Variants in CEP112 observed in about 807,000 individuals in gnomAD.
The protein encoded by CEP112 is centrosomal protein 112, also known as centrosomal protein of 112 kDa.
In CEP112, 127 loss-of-function variants were observed where a neutral mutation model predicts 153.0. That is an observed-to-expected ratio of 0.83 (90% confidence interval 0.72 to 0.96). CEP112 has a LOEUF of 0.96. Among genes scored for constraint, CEP112 ranks in the 40% least tolerant of loss-of-function variants. CEP112 has a pLI of 0.00. For missense variants in CEP112, 1,089 were observed against 1,101.2 expected (o/e 0.99, Z 0.16); for synonymous variants, 358 against 374.4 (o/e 0.96, Z 0.51).
rs2051231838 is a variant in CEP112, at chr17:65,743,145, T to C, written c.2530A>G (p.Arg844Gly). The C allele has an allele frequency of 1.2e-6, 2 of 1,613,206 alleles. No individual in the cohort carries two copies. The highest frequency in any genetic ancestry group is 1.3e-5 in the African/African-American group (1 of 74,938). The change falls in exon 23 of 27, where the codon AGG becomes GGG. Residue 844 changes from arginine (R) to glycine (G), a missense_variant. By Grantham distance (125) the Arg-to-Gly change is moderately radical. Transcript: ENST00000535342. ...TTTTGTCTAACATCCTGGAGCCGCC[T>C]TTCTGCAGCAAGCTGCTGCTGGCTG... ...ENSQQQLAAE[R>G]RLQDVRQKFE... is the part of the protein sequence containing the mutation.
intron 24 of CEP112, among the ~76,000 whole-genome samples, chr17:65,650,911 T>C (rs1003767494): frequency 2.2e-4 from 33 of 151,844 alleles, no homozygotes; most frequent in African/African-American, 7.5e-4. Context: ...TTTTTCTCTC[T>C]TTCTCTATAT....
chr17:65,814,812 T>C (rs946649741), intron 21 of CEP112, among the ~76,000 whole-genome samples: 1 of 152,210 alleles, frequency 6.6e-6, no homozygotes, highest in African/African-American at 2.4e-5. Flanking sequence ...CCTACCAACA[T>C]AGTTAAAATT....
chr17:66,065,702 T>C (rs2067091684), intron 10 of CEP112, among the ~76,000 whole-genome samples: 2 of 151,136 alleles, frequency 1.3e-5, no homozygotes, highest in Admixed American at 6.6e-5. Flanking sequence ...CGGTCTCGGC[T>C]CACTGCAAGC....
intron 24 of CEP112, among the ~76,000 whole-genome samples, chr17:65,664,924 C>T (rs1476350454): frequency 6.6e-6 from 1 of 152,206 alleles, no homozygotes; most frequent in Non-Finnish European, 1.5e-5. Flanking sequence ...TAGGTGAGGG[C>T]TCTCCTCCTG....
intron 17 of CEP112, among the ~76,000 whole-genome samples, chr17:65,983,387 T>C (rs1442699569): frequency 6.6e-6 from 1 of 152,180 alleles, no homozygotes; most frequent in Non-Finnish European, 1.5e-5. Context: ...TTTTGCCTTT[T>C]AGTCTTTTAT....
At chr17:65,977,267 G>A (rs773754009) in intron 17 of CEP112, among the ~76,000 whole-genome samples, 33 of 152,098 alleles carry the variant, frequency 2.2e-4, no homozygotes, top group Non-Finnish European at 4.0e-4. Flanking sequence ...TTTAGCTTGC[G>A]TATGGCCCGT....
chr17:65,990,840 C>T (rs1045157862), intron 17 of CEP112, among the ~76,000 whole-genome samples: 1 of 152,220 alleles, frequency 6.6e-6, no homozygotes, highest in Non-Finnish European at 1.5e-5. Context: ...TCTCCCAAGC[C>T]CTGGGCAGTG....
At chr17:65,640,147 T>G (rs1261680372) in intron 25 of CEP112, among the ~76,000 whole-genome samples, 1 of 100,372 alleles carries the variant, frequency 1.0e-5, no homozygotes, top group Non-Finnish European at 1.8e-5. Flanking sequence ...CATATATATA[T>G]ATATATATTT....
chr17:65,768,696 A>G (rs1428566436), intron 21 of CEP112, among the ~76,000 whole-genome samples: 1 of 152,152 alleles, frequency 6.6e-6, no homozygotes, highest in Non-Finnish European at 1.5e-5. Flanking sequence ...CCACATGATC[A>G]TATCAGTTGA....
chr17:66,078,236 CTTTTTT>C (rs373372694), intron 8 of CEP112, among the ~76,000 whole-genome samples: 19 of 146,318 alleles, frequency 1.3e-4, no homozygotes, highest in Non-Finnish European at 2.1e-4. Context: ...GCTTTTGTAT[CTTTTTT>C]TTTTCTTTTC....
At chr17:65,710,443 T>C (rs972847702) in intron 23 of CEP112, among the ~76,000 whole-genome samples, 5 of 152,218 alleles carry the variant, frequency 3.3e-5, no homozygotes, top group African/African-American at 1.2e-4. Context: ...TCACCTGAAA[T>C]ACTTTTAGGG....
chr17:65,667,645 G>C (rs549749471), intron 24 of CEP112, among the ~76,000 whole-genome samples: 176 of 152,166 alleles, frequency 1.2e-3, no homozygotes, highest in Admixed American at 2.5e-3. Context: ...ATATTTTAGG[G>C]TGGTCATTAA....
intron 20 of CEP112, among the ~76,000 whole-genome samples, chr17:65,879,526 A>G (rs1337807144): frequency 6.6e-6 from 1 of 152,226 alleles, no homozygotes; most frequent in Admixed American, 6.5e-5. Context: ...AACTAATACC[A>G]TTTCCCTTTC....
chr17:66,037,654 C>T (rs930289600), intron 12 of CEP112, among the ~76,000 whole-genome samples: 80 of 152,114 alleles, frequency 5.3e-4, no homozygotes, highest in Admixed American at 5.2e-3. Context: ...AATTCTTACT[C>T]TAGTACCATA....
intron 20 of CEP112, among the ~76,000 whole-genome samples, chr17:65,882,838 A>G (rs2059134356): frequency 6.6e-6 from 1 of 152,168 alleles, no homozygotes; most frequent in African/African-American, 2.4e-5. Context: ...AAACCAAAAC[A>G]CTAAAACAAG....
At chr17:66,113,645 T>C (rs545751453) in intron 6 of CEP112, among the ~76,000 whole-genome samples, 20 of 152,350 alleles carry the variant, frequency 1.3e-4, no homozygotes, top group South Asian at 4.1e-4. Context: ...AGACTCATTC[T>C]AGCATCATAA....
intron 19 of CEP112, among the ~76,000 whole-genome samples, chr17:65,905,754 C>A (rs759253287): frequency 6.6e-6 from 1 of 151,894 alleles, no homozygotes; most frequent in Non-Finnish European, 1.5e-5. Context: ...ATGGTGAAAC[C>A]CCATCTCTAC....
rs142179015 is a variant in CEP112 at position 65,689,443 on chromosome 17, C to T, written c.2608-225G>A. 2.3e-3 allele frequency among the ~76,000 whole-genome samples: 357 copies of T among 152,154 alleles called. 5 individuals carry two copies. Among genetic ancestry groups the T allele is most frequent in the African/African-American group, 8.1e-3 (337 of 41,512 alleles). On this transcript the variant is annotated intron_variant, in intron 23 of 26. Coordinates refer to ENST00000535342, the MANE Select transcript of CEP112 (RefSeq NM_001199165.4). ...CAAAGTTATAAAATAGACAAATTGG[C>T]AGATGTCAATCATATATTAAAATGT...
At chr17:66,056,625 GC>G (rs1301330173) in intron 11 of CEP112, among the ~76,000 whole-genome samples, 6 of 152,230 alleles carry the variant, frequency 3.9e-5, no homozygotes, top group Admixed American at 1.3e-4. Context: ...AGTGAAAGAA[GC>G]CAGTCACAAA....
Sources: allele counts gnomAD v4.1 joint callset (sites outside exome capture counted in the v4.1 genomes callset), GRCh38; gene constraint gnomAD v4.1.1; transcripts MANE v1.5; gene names NCBI Gene and HGNC (gene_info 2026-07-23, HGNC 2026-07-21).